TMEM132D: variants seen among roughly 807,000 people sequenced by gnomAD.
TMEM132D encodes the protein transmembrane protein 132D.
TMEM132D carries 21 observed loss-of-function variants against 62.3 expected under a neutral mutation model. The ratio of observed to expected loss-of-function variants is 0.34; its 90% CI spans 0.24 to 0.49. The LOEUF is 0.49. Ranked by LOEUF, TMEM132D falls within the 20% of genes least tolerant of loss-of-function variation. The pLI is 0.99. For synonymous variants in TMEM132D, 621 were observed against 575.6 expected, an observed-to-expected ratio of 1.08 and a Z score of -1.13; for missense variants, 1,346 against 1,402.8, an observed-to-expected ratio of 0.96 and a Z score of 0.65.
chr12:129,228,673 T>C (rs892203206), intron 4 of TMEM132D, among the ~76,000 whole-genome samples: 15 of 152,304 alleles, frequency 9.8e-5, no homozygotes, highest in Non-Finnish European at 1.5e-4. Context: ...GGTTCATCCA[T>C]GCTGTAGCAC....
chr12:129,863,644 C>T (rs1361353730), intron 1 of TMEM132D, among the ~76,000 whole-genome samples: 1 of 152,102 alleles, frequency 6.6e-6, no homozygotes, highest in Non-Finnish European at 1.5e-5. Context: ...AATAAGAATT[C>T]AAAAACATTG....
At chr12:129,262,611 T>C (rs962346035) in intron 4 of TMEM132D, 3 of 152,158 alleles carry the variant, frequency 2.0e-5, no homozygotes, top group Admixed American at 6.5e-5. Context: ...TTATGCATAA[T>C]CTCTTATGTT....
intron 2 of TMEM132D, among the ~76,000 whole-genome samples, chr12:129,556,204 T>C (rs2137109704): frequency 6.6e-6 from 1 of 152,296 alleles, no homozygotes; most frequent in Middle Eastern, 3.4e-3. Context: ...TGCTCTGTTC[T>C]GTTTCATTCT....
intron 4 of TMEM132D, among the ~76,000 whole-genome samples, chr12:129,291,049 A>G (rs1052426390): frequency 2.6e-5 from 4 of 152,354 alleles, no homozygotes; most frequent in African/African-American, 9.6e-5. Flanking sequence ...TGAATATTAA[A>G]GAACTACTGG....
intron 5 of TMEM132D, chr12:129,169,968 T>C (rs774761574): frequency 6.6e-6 from 1 of 152,228 alleles, no homozygotes; most frequent in Non-Finnish European, 1.5e-5. Flanking sequence ...AAATGTTCTA[T>C]TTCAACAAGA....
rs188977239 is a variant in TMEM132D at position 129,151,059 on chromosome 12, C to T, written c.1443+58461G>A. Among the ~76,000 whole-genome samples the T allele has an allele frequency of 4.3e-4, 66 of 152,274 alleles. No homozygotes were observed. The East Asian group carries it at 0.012, about 28-fold the overall frequency. ...TCATGGATGTGGTCACGTCACTACC[C>T]GGGGTTTGCAGAGCACGCATCTAAT... On this transcript the variant is annotated intron_variant, in intron 5 of 8. Coordinates refer to ENST00000422113, the MANE Select transcript of TMEM132D (RefSeq NM_133448.3).
chr12:129,796,765 A>G (rs774624125), intron 1 of TMEM132D, among the ~76,000 whole-genome samples: 2 of 152,116 alleles, frequency 1.3e-5, no homozygotes, highest in African/African-American at 2.4e-5. Flanking sequence ...GCATTAGGAG[A>G]AATACCTGAT....
At chr12:129,228,603 G>A (rs529697323) in intron 4 of TMEM132D, among the ~76,000 whole-genome samples, 2 of 152,148 alleles carry the variant, frequency 1.3e-5, no homozygotes, top group South Asian at 2.1e-4. Flanking sequence ...AACCTGAATC[G>A]AATCATGTGA....
chr12:129,075,611 C>T (rs992801189), intron 8 of TMEM132D, among the ~76,000 whole-genome samples: 7 of 152,186 alleles, frequency 4.6e-5, no homozygotes, highest in African/African-American at 1.7e-4. Flanking sequence ...TCTGGGTCTG[C>T]AGGAGTGGAT....
chr12:129,080,634 C>T (rs1417411558), intron 7 of TMEM132D, among the ~76,000 whole-genome samples: 2 of 152,184 alleles, frequency 1.3e-5, no homozygotes, highest in African/African-American at 2.4e-5. Flanking sequence ...ATAAGACAAT[C>T]GCATTGCCTG....
intron 3 of TMEM132D, among the ~76,000 whole-genome samples, chr12:129,500,641 T>TGG (rs1875111306): frequency 6.6e-6 from 1 of 152,196 alleles, no homozygotes; most frequent in Non-Finnish European, 1.5e-5. Context: ...TAGGTATATA[T>TGG]GGGCATCACT....
At chr12:129,654,166 G>A (rs772204948) in intron 2 of TMEM132D, among the ~76,000 whole-genome samples, 1 of 152,064 alleles carries the variant, frequency 6.6e-6, no homozygotes, top group Non-Finnish European at 1.5e-5. Context: ...ATTCTATCAA[G>A]GATACATGCC....
chr12:129,073,208 T>C lies in TMEM132D; in HGVS notation c.*667A>G, dbSNP rs936734982. ...GAAGGGCTCAGAGGATTTGCGTCCA[T>C]GTGTTTGTCCTTGGCATGTAGTTAC... is the stretch of plus-strand genomic sequence containing the variant. On this transcript the variant is annotated 3_prime_UTR_variant, in exon 9 of 9. Transcript: ENST00000422113. 4.6e-5 allele frequency: 7 copies of C among 152,272 alleles called. No individual in the cohort carries two copies. The East Asian group carries it at 1.3e-3, about 29-fold the overall frequency. The allele number at this position is 152,272 out of a possible 1,614,324, so 9.4% of individuals were successfully genotyped here.
At chr12:129,672,801 G>T (rs1229772413) in intron 2 of TMEM132D, among the ~76,000 whole-genome samples, 4 of 152,228 alleles carry the variant, frequency 2.6e-5, no homozygotes, top group Non-Finnish European at 5.9e-5. Context: ...AGGCTGGAGT[G>T]CAATGGCACT....
chr12:129,792,430 G>A (rs2137299532), intron 1 of TMEM132D, among the ~76,000 whole-genome samples: 1 of 152,308 alleles, frequency 6.6e-6, no homozygotes, highest in East Asian at 1.9e-4. Context: ...AAGCATGGGA[G>A]AGTAACTCAA....
At chr12:129,875,189 G>A (rs1307036382) in intron 1 of TMEM132D, among the ~76,000 whole-genome samples, 5 of 152,202 alleles carry the variant, frequency 3.3e-5, no homozygotes, top group African/African-American at 4.8e-5. Flanking sequence ...CTGAAAGTGC[G>A]TGCTGGCTGG....
At chr12:129,662,659 G>A (rs1461998790) in intron 2 of TMEM132D, among the ~76,000 whole-genome samples, 1 of 152,070 alleles carries the variant, frequency 6.6e-6, no homozygotes, top group Admixed American at 6.6e-5. Context: ...TGGGCATGGT[G>A]GCACACGCCT....
chr12:129,557,169 C>T (rs992375164), intron 2 of TMEM132D, among the ~76,000 whole-genome samples: 3 of 152,054 alleles, frequency 2.0e-5, no homozygotes, highest in Non-Finnish European at 4.4e-5. Flanking sequence ...TTTTATTTTA[C>T]TTATGCCACA....
At chr12:129,615,649 G>A (rs1376844999) in intron 2 of TMEM132D, among the ~76,000 whole-genome samples, 5 of 150,880 alleles carry the variant, frequency 3.3e-5, no homozygotes, top group African/African-American at 7.3e-5. Context: ...GTGTATGCCT[G>A]TTGTCCCAGC....
Sources: gnomAD v4.1 joint callset for allele counts (sites outside exome capture counted in the v4.1 genomes callset) on GRCh38, gnomAD v4.1.1 for gene constraint, MANE v1.5 for transcripts, NCBI Gene and HGNC (gene_info 2026-07-23, HGNC 2026-07-21) for gene names.